The following PTPRD variants were observed in gnomAD, a reference collection of about 807,000 sequenced individuals.
PTPRD encodes the protein receptor-type tyrosine-protein phosphatase delta.
Under a neutral mutation model 214.5 loss-of-function variants are expected in PTPRD, and 34 were observed. That is an observed-to-expected ratio of 0.16 (90% CI 0.12 to 0.21). The LOEUF is 0.21. Among genes scored for constraint, PTPRD ranks in the 10% least tolerant of loss-of-function variants. The pLI is 1.00. For synonymous variants in PTPRD, 1,128 were observed against 845.7 expected (o/e 1.33, Z -5.79); for missense variants, 2,545 against 2,398.7 (o/e 1.06, Z -1.27).
intron 26 of PTPRD, among the ~76,000 whole-genome samples, chr9:8,495,947 C>T (rs1281569142): frequency 1.3e-5 from 2 of 152,114 alleles, no homozygotes; most frequent in African/African-American, 4.8e-5. Context: ...GAGTTAAAGA[C>T]TGACCGGCCA....
chr9:10,308,435 A>C (rs1208241541), intron 3 of PTPRD, among the ~76,000 whole-genome samples: 1 of 152,032 alleles, frequency 6.6e-6, no homozygotes, highest in African/African-American at 2.4e-5. Context: ...CTGTTTTTAC[A>C]CCAACACCAT....
intron 21 of PTPRD, among the ~76,000 whole-genome samples, chr9:8,512,704 T>C (rs2097705786): frequency 6.6e-6 from 1 of 152,004 alleles, no homozygotes; most frequent in Non-Finnish European, 1.5e-5. Context: ...CTGTTAAAGG[T>C]ATATCCATAT....
chr9:10,442,656 G>C (rs1941078870), intron 2 of PTPRD, among the ~76,000 whole-genome samples: 2 of 151,538 alleles, frequency 1.3e-5, no homozygotes, highest in African/African-American at 2.4e-5. Context: ...CTGAGTTCTT[G>C]CAAGAAATGT....
At chr9:10,409,019 C>A (rs2098406340) in intron 2 of PTPRD, among the ~76,000 whole-genome samples, 1 of 151,824 alleles carries the variant, frequency 6.6e-6, no homozygotes, top group East Asian at 2.0e-4. Flanking sequence ...TGTCAAGCTG[C>A]AGCCCATGTT....
chr9:8,422,584 T>C (rs546719048), intron 35 of PTPRD, among the ~76,000 whole-genome samples: 1 of 152,194 alleles, frequency 6.6e-6, no homozygotes, highest in African/African-American at 2.4e-5. Flanking sequence ...TAGAAGATTC[T>C]AGAAATCCTC....
chr9:9,295,394 C>T (rs1400009909), intron 9 of PTPRD, among the ~76,000 whole-genome samples: 1 of 151,614 alleles, frequency 6.6e-6, no homozygotes, highest in Non-Finnish European at 1.5e-5. Context: ...GTGTAACTGA[C>T]AGTTCTGTCA....
intron 3 of PTPRD, among the ~76,000 whole-genome samples, chr9:10,143,978 C>G (rs758607988): frequency 1.3e-5 from 2 of 152,008 alleles, no homozygotes; most frequent in Non-Finnish European, 2.9e-5. Context: ...GAGATGGATA[C>G]TTTTATACTC....
chr9:9,998,412 G>A (rs1251728088), intron 4 of PTPRD, among the ~76,000 whole-genome samples: 1 of 151,874 alleles, frequency 6.6e-6, no homozygotes, highest in East Asian at 1.9e-4. Flanking sequence ...ACTACAGCCA[G>A]TCTCTCTTTT....
rs1164841586 is a variant in PTPRD at position 8,484,193 on chromosome 9, G to A, written c.3339C>T (p.Ala1113=). The A allele has an allele frequency of 3.7e-6, 6 of 1,614,162 alleles. No individual in the cohort carries two copies. In the Admixed American group the frequency reaches 1.0e-4, roughly 27 times the overall value. Reference sequence around the variant, plus strand: ...CATCCAAGTTGGTCTTCCCAATGAAGGCAGGCTTGGTACGTAATACATCTG... The same window carrying A: ...CATCCAAGTTGGTCTTCCCAATGAAAGCAGGCTTGGTACGTAATACATCTG... ...TAPDVLRTKP[A]FIGKTNLDGM... The change falls in exon 30 of 46, where the codon GCC becomes GCT. Residue 1113 remains alanine, a synonymous_variant. Transcript: ENST00000381196.
chr9:9,344,099 T>C (rs2047881014), intron 9 of PTPRD, among the ~76,000 whole-genome samples: 2 of 152,302 alleles, frequency 1.3e-5, no homozygotes, highest in South Asian at 2.1e-4. Flanking sequence ...ACTCCAAAGA[T>C]TATTTTGTTA....
chr9:9,232,673 T>C (rs973465389), intron 9 of PTPRD, among the ~76,000 whole-genome samples: 2 of 152,182 alleles, frequency 1.3e-5, no homozygotes, highest in Non-Finnish European at 2.9e-5. Flanking sequence ...TAGTTTTATA[T>C]ATTTATTTAT....
intron 11 of PTPRD, among the ~76,000 whole-genome samples, chr9:8,919,907 TG>T (rs1310433413): frequency 6.6e-6 from 1 of 152,088 alleles, no homozygotes; most frequent in Non-Finnish European, 1.5e-5. Context: ...CATGCATGTA[TG>T]CATAAGTGGA....
chr9:9,713,529 G>T (rs1198651117), intron 7 of PTPRD, among the ~76,000 whole-genome samples: 1 of 152,066 alleles, frequency 6.6e-6, no homozygotes, highest in Non-Finnish European at 1.5e-5. Flanking sequence ...GCAAACTATA[G>T]GGTTCAAAGC....
intron 10 of PTPRD, among the ~76,000 whole-genome samples, chr9:9,116,923 T>C (rs911543250): frequency 6.6e-6 from 1 of 152,176 alleles, no homozygotes; most frequent in Non-Finnish European, 1.5e-5. Context: ...CAATGCTTGT[T>C]ACCATGCCTG....
chr9:8,936,052 A>G (rs995161), intron 11 of PTPRD: 150,432 of 152,258 alleles, frequency 0.99, 74,338 homozygotes, highest in Middle Eastern at 1. Flanking sequence ...TGTTTCCTCT[A>G]CTCTGACACA....
At chr9:8,480,257 G>C (rs1214163898) in intron 30 of PTPRD, among the ~76,000 whole-genome samples, 2 of 152,156 alleles carry the variant, frequency 1.3e-5, no homozygotes, top group Non-Finnish European at 2.9e-5. Flanking sequence ...TCTATCCTCT[G>C]AGTGAACGGC....
intron 2 of PTPRD, among the ~76,000 whole-genome samples, chr9:10,563,672 T>TA (rs71332759): frequency 0.51 from 77,775 of 151,356 alleles, 20,282 homozygotes; most frequent in African/African-American, 0.6. Context: ...ATCATCGTTA[T>TA]TTTTTTTTAT....
intron 11 of PTPRD, among the ~76,000 whole-genome samples, chr9:8,830,600 C>G (rs1449954988): frequency 6.6e-6 from 1 of 152,160 alleles, no homozygotes; most frequent in Non-Finnish European, 1.5e-5. Flanking sequence ...TCAACTCCCC[C>G]CAGTGAGGAG....
intron 8 of PTPRD, among the ~76,000 whole-genome samples, chr9:9,421,434 A>G (rs1469344628): frequency 1.3e-5 from 2 of 152,098 alleles, no homozygotes; most frequent in Non-Finnish European, 2.9e-5. Context: ...CTAAACCATA[A>G]AATATTTCTG....
Sources: allele counts gnomAD v4.1 joint callset (sites outside exome capture counted in the v4.1 genomes callset), GRCh38; gene constraint gnomAD v4.1.1; transcripts MANE v1.5; gene names NCBI Gene and HGNC (gene_info 2026-07-23, HGNC 2026-07-21).